Variants in TSHR observed in about 807,000 individuals in gnomAD.
TSHR encodes thyroid stimulating hormone receptor.
A neutral mutation model predicts 64.1 loss-of-function variants in TSHR; 51 were observed. The ratio of observed to expected loss-of-function variants is 0.80; its 90% CI spans 0.64 to 1.01. TSHR has a LOEUF of 1.01. TSHR is among the 50% of genes least tolerant of loss of function. TSHR has a pLI of 0.00. For missense variants in TSHR, 877 were observed against 942.8 expected (o/e 0.93, Z 0.91); for synonymous variants, 361 against 361.9 (o/e 1.00, Z 0.03).
At chr14:81,000,981 T>C (rs886310448) in intron 1 of TSHR, among the ~76,000 whole-genome samples, 1 of 152,098 alleles carries the variant, frequency 6.6e-6, no homozygotes, top group Non-Finnish European at 1.5e-5. Flanking sequence ...CACCAACTTT[T>C]CAAGGAAAAA....
rs368493790 is a variant in TSHR, at chr14:81,073,026, AT to A, written c.317+4699del. ...AAAAAAAAAAATAAAAAATAAATAT[AT>A]ATATATATATATATATATATATAAA... On this transcript the variant is annotated intron_variant, in intron 3 of 9. Coordinates refer to ENST00000298171, the MANE Select transcript of TSHR (RefSeq NM_000369.5). 7.8e-4 allele frequency among the ~76,000 whole-genome samples: 22 copies of A among 28,096 alleles called. 9 individuals are homozygous for A. Among genetic ancestry groups the A allele is most frequent in the Admixed American group, 3.7e-3 (12 of 3,202 alleles). The allele number at this position is 28,096 out of a possible 152,430, so 18.4% of individuals were successfully genotyped here.
At chr14:81,056,850 T>C (rs1885844769) in intron 1 of TSHR, among the ~76,000 whole-genome samples, 1 of 152,230 alleles carries the variant, frequency 6.6e-6, no homozygotes, top group Non-Finnish European at 1.5e-5. Flanking sequence ...TCATATCACC[T>C]GATATTTTTG....
At chr14:81,016,758 T>C (rs1883433472) in intron 1 of TSHR, among the ~76,000 whole-genome samples, 1 of 152,218 alleles carries the variant, frequency 6.6e-6, no homozygotes. Context: ...TGTTTTCTTC[T>C]AGTTTGAGGA....
At chr14:81,094,114 G>T (rs1044353144) in intron 6 of TSHR, 1 of 152,186 alleles carries the variant, frequency 6.6e-6, no homozygotes, top group African/African-American at 2.4e-5. Flanking sequence ...CTTTTCAGAT[G>T]ATTATTTCTA....
chr14:80,974,513 T>C (rs1209362843), intron 1 of TSHR, among the ~76,000 whole-genome samples: 1 of 152,166 alleles, frequency 6.6e-6, no homozygotes, highest in Non-Finnish European at 1.5e-5. Flanking sequence ...TTGGTTGGCC[T>C]TATGTAGCAT....
chr14:80,988,532 T>C (rs1416589492), intron 1 of TSHR, among the ~76,000 whole-genome samples: 1 of 152,166 alleles, frequency 6.6e-6, no homozygotes, highest in Non-Finnish European at 1.5e-5. Flanking sequence ...CAATTTGACC[T>C]GAGATTTGGA....
intron 8 of TSHR, 99 bp from the exon 9 acceptor site, chr14:81,139,580 C>T (rs867936503): frequency 7.3e-6 from 9 of 1,232,762 alleles, no homozygotes; most frequent in Middle Eastern, 2.6e-4. Flanking sequence ...AGCATATCAT[C>T]TCCCAATTAA....
chr14:81,101,247 C>A (rs904991234), intron 7 of TSHR, among the ~76,000 whole-genome samples: 1 of 152,072 alleles, frequency 6.6e-6, no homozygotes, highest in Non-Finnish European at 1.5e-5. Flanking sequence ...AAGGTTTATT[C>A]AAGAGATAGC....
chr14:80,957,690 T>C (rs1359436436), intron 1 of TSHR: 2 of 151,988 alleles, frequency 1.3e-5, no homozygotes, highest in Non-Finnish European at 2.9e-5. Context: ...AAAGAAAGGG[T>C]AATGGAGAAT....
intron 1 of TSHR, among the ~76,000 whole-genome samples, chr14:80,973,957 A>G (rs905584657): frequency 6.6e-6 from 1 of 152,050 alleles, no homozygotes; most frequent in African/African-American, 2.4e-5. Flanking sequence ...ATCTCCCACC[A>G]TCGCCCTGGG....
chr14:80,958,815 TCTCA>T (rs1886858080), intron 1 of TSHR, among the ~76,000 whole-genome samples: 2 of 152,216 alleles, frequency 1.3e-5, no homozygotes, highest in African/African-American at 2.4e-5. Flanking sequence ...AGGCATGTTC[TCTCA>T]CAAGTTTTGT....
chr14:80,974,541 A>G (rs1887766561), intron 1 of TSHR, among the ~76,000 whole-genome samples: 1 of 152,178 alleles, frequency 6.6e-6, no homozygotes, highest in South Asian at 2.1e-4. Flanking sequence ...TTGCCATTTC[A>G]CAACCACCCT....
At chr14:81,133,910 T>C (rs771099988) in intron 8 of TSHR, among the ~76,000 whole-genome samples, 6 of 152,092 alleles carry the variant, frequency 3.9e-5, no homozygotes, top group South Asian at 2.1e-4. Context: ...ACAATCATGA[T>C]AATAATAATA....
chr14:81,109,334 A>G (rs976074532), intron 8 of TSHR, among the ~76,000 whole-genome samples: 1 of 151,898 alleles, frequency 6.6e-6, no homozygotes, highest in Non-Finnish European at 1.5e-5. Flanking sequence ...GCATGAACCC[A>G]GGAGGAGGAG....
chr14:81,087,149 G>C (rs915858809), intron 3 of TSHR, among the ~76,000 whole-genome samples: 2 of 152,210 alleles, frequency 1.3e-5, no homozygotes, highest in Non-Finnish European at 2.9e-5. Flanking sequence ...CCAATGACTA[G>C]ATGCTGGTTC....
In TSHR at chr14:81,133,707, G is replaced by T. The variant is rs1441548460; in HGVS notation, c.693-5972G>T. Among the ~76,000 whole-genome samples the T allele has an allele frequency of 2.0e-5, 3 of 152,114 alleles. No homozygotes were observed. In the South Asian group the frequency reaches 6.2e-4, roughly 32 times the overall value. ...AACAGAAAAGCACCCTCTTAAATAC[G>T]AATGTGTGCAACCAGAGATCTCCAG... On this transcript the variant is annotated intron_variant, in intron 8 of 9. Transcript: ENST00000298171.
intron 3 of TSHR, among the ~76,000 whole-genome samples, chr14:81,072,462 C>T (rs1363151573): frequency 2.6e-5 from 4 of 151,970 alleles, no homozygotes; most frequent in African/African-American, 4.8e-5. Context: ...AGGGCAGCTA[C>T]TAAAATGCTT....
At chr14:81,025,148 G>C (rs908158603) in intron 1 of TSHR, among the ~76,000 whole-genome samples, 10 of 152,092 alleles carry the variant, frequency 6.6e-5, no homozygotes, top group African/African-American at 2.2e-4. Flanking sequence ...GACTGTGAAT[G>C]GTACATGTGC....
At chr14:81,110,380 C>T (rs539573132) in intron 8 of TSHR, among the ~76,000 whole-genome samples, 77 of 152,216 alleles carry the variant, frequency 5.1e-4, no homozygotes, top group Middle Eastern at 6.8e-3. Flanking sequence ...AGAGAGACAC[C>T]AGGGATGGGC....
Sources: gnomAD v4.1 joint callset for allele counts (sites outside exome capture counted in the v4.1 genomes callset) on GRCh38, gnomAD v4.1.1 for gene constraint, MANE v1.5 for transcripts, NCBI Gene and HGNC (gene_info 2026-07-23, HGNC 2026-07-21) for gene names.